RAB10: variants seen among roughly 807,000 people sequenced by gnomAD.
RAB10 encodes the protein ras-related protein Rab-10.
RAB10 carries 5 observed loss-of-function variants against 25.7 expected under a neutral mutation model. The ratio of observed to expected loss-of-function variants is 0.19; its 90% CI spans 0.10 to 0.41. The LOEUF is 0.41. RAB10 is among the 10% of genes least tolerant of loss of function. RAB10 has a pLI of 1.00. For synonymous variants in RAB10, 89 were observed against 86.4 expected (o/e 1.03, Z -0.16); for missense variants, 103 against 245.8 (o/e 0.42, Z 3.89).
intron 1 of RAB10, among the ~76,000 whole-genome samples, chr2:26,042,044 C>T (rs150639742): frequency 2.5e-4 from 38 of 152,298 alleles, no homozygotes; most frequent in African/African-American, 8.7e-4. Context: ...GAATGCGTTA[C>T]TTATTAGTGA....
intron 1 of RAB10, among the ~76,000 whole-genome samples, chr2:26,075,003 A>G (rs548854670): frequency 6.6e-6 from 1 of 152,322 alleles, no homozygotes; most frequent in South Asian, 2.1e-4. Flanking sequence ...AACTTGGGAA[A>G]GGTCGAAGTT....
chr2:26,059,381 CAA>C (rs1666349014), intron 1 of RAB10, among the ~76,000 whole-genome samples: 1 of 152,092 alleles, frequency 6.6e-6, no homozygotes, highest in South Asian at 2.1e-4. Flanking sequence ...ACAGATGTAT[CAA>C]ATAAACACAA....
chr2:26,049,120 G>A (rs563737252), intron 1 of RAB10, among the ~76,000 whole-genome samples: 1 of 149,138 alleles, frequency 6.7e-6, no homozygotes, highest in Non-Finnish European at 1.5e-5. Context: ...AAGTTTTATA[G>A]TTTTATATTT....
chr2:26,057,326 A>C (rs1244346800), intron 1 of RAB10, among the ~76,000 whole-genome samples: 1 of 151,962 alleles, frequency 6.6e-6, no homozygotes, highest in African/African-American at 2.4e-5. Context: ...CTACTGGGAG[A>C]CTGGAGGCAG....
chr2:26,086,025 G>A (rs913642139), intron 1 of RAB10, among the ~76,000 whole-genome samples: 1 of 136,168 alleles, frequency 7.3e-6, no homozygotes, highest in Non-Finnish European at 1.6e-5. Flanking sequence ...AAAGGGGGGG[G>A]GCAAAGGGGC....
chr2:26,129,268 C>CAAA lies in RAB10; in HGVS notation c.519+1344_519+1346dup, dbSNP rs58007291. Among the ~76,000 whole-genome samples, 641 of 133,420 alleles carry CAAA rather than the reference C, an allele frequency of 4.8e-3. 34 individuals carry two copies. Among genetic ancestry groups the CAAA allele is most frequent in the African/African-American group, 0.018 (607 of 34,626 alleles). The allele number at this position is 133,420 out of a possible 152,430, so 87.5% of individuals were successfully genotyped here. On this transcript the variant is annotated intron_variant, in intron 5 of 5. Coordinates refer to ENST00000264710, the MANE Select transcript of RAB10 (RefSeq NM_016131.5). ...TTGGGGACAGACCAAGACTCCATCT[C>CAAA]AAAAAAAAAAAAAAAAAAAAAAAAA...
intron 1 of RAB10, among the ~76,000 whole-genome samples, chr2:26,058,807 T>A (rs1017415559): frequency 6.6e-6 from 1 of 152,214 alleles, no homozygotes; most frequent in Admixed American, 6.5e-5. Context: ...GTCTTCCCTT[T>A]CTATCCTATA....
At chr2:26,098,419 G>A (rs1449442405) in intron 1 of RAB10, 4 of 426,388 alleles carry the variant, frequency 9.4e-6, no homozygotes, top group South Asian at 5.1e-5. Context: ...GATTAGAGGC[G>A]TGAGCCACCA....
chr2:26,076,986 A>G (rs192814929), intron 1 of RAB10, among the ~76,000 whole-genome samples: 9 of 152,062 alleles, frequency 5.9e-5, no homozygotes, highest in Admixed American at 2.0e-4. Flanking sequence ...ATAGCACTAT[A>G]AAGAGAGCTC....
intron 2 of RAB10, among the ~76,000 whole-genome samples, chr2:26,109,255 T>TGATG: frequency 6.6e-6 from 1 of 152,122 alleles, no homozygotes; most frequent in East Asian, 1.9e-4. Context: ...GTTTGTAAGC[T>TGATG]GATGAGATGA....
intron 1 of RAB10, among the ~76,000 whole-genome samples, chr2:26,066,684 C>T (rs995141412): frequency 2.0e-5 from 3 of 152,040 alleles, no homozygotes; most frequent in African/African-American, 7.2e-5. Flanking sequence ...TTTCAATTAC[C>T]TCCCACCGGG....
intron 1 of RAB10, among the ~76,000 whole-genome samples, chr2:26,060,150 T>C (rs1334556589): frequency 6.6e-6 from 1 of 152,174 alleles, no homozygotes. Flanking sequence ...TTCGTGTGAA[T>C]GCCATGAATT....
At chr2:26,043,965 T>A (rs563444074) in intron 1 of RAB10, among the ~76,000 whole-genome samples, 5 of 152,286 alleles carry the variant, frequency 3.3e-5, no homozygotes, top group South Asian at 2.1e-4. Context: ...GAAACAGAAA[T>A]AATGGTGATT....
intron 1 of RAB10, 154 bp from the exon 2 acceptor site, chr2:26,098,508 G>T (rs886796661): frequency 4.9e-6 from 3 of 606,786 alleles, no homozygotes; most frequent in Non-Finnish European, 2.9e-6. Flanking sequence ...GTTTAAAATT[G>T]GATACATTTG....
chr2:26,117,630 A>C (rs540897807), intron 3 of RAB10, among the ~76,000 whole-genome samples: 3 of 144,916 alleles, frequency 2.1e-5, no homozygotes, highest in South Asian at 4.3e-4. Context: ...AAAAAAAAAA[A>C]AAAAACAAAA....
intron 3 of RAB10, among the ~76,000 whole-genome samples, chr2:26,115,934 A>C (rs2149285881): frequency 6.8e-6 from 1 of 147,136 alleles, no homozygotes; most frequent in Non-Finnish European, 1.5e-5. Flanking sequence ...ATCTTGGCTC[A>C]CTGCAGTCTC....
At chr2:26,062,785 A>C (rs1242791958) in intron 1 of RAB10, among the ~76,000 whole-genome samples, 1 of 152,128 alleles carries the variant, frequency 6.6e-6, no homozygotes, top group East Asian at 1.9e-4. Context: ...AAGAATTGCC[A>C]CTTCTAGGGT....
At chr2:26,042,845 CAT>C (rs1437078536) in intron 1 of RAB10, 1 of 151,004 alleles carries the variant, frequency 6.6e-6, no homozygotes, top group South Asian at 2.1e-4. Context: ...GCCCAATAAA[CAT>C]ATGGAAAGAT....
chr2:26,102,449 T>A (rs1667362015), intron 2 of RAB10, among the ~76,000 whole-genome samples: 2 of 148,810 alleles, frequency 1.3e-5, no homozygotes, highest in African/African-American at 5.0e-5. Flanking sequence ...CTTTTTTTTT[T>A]TTTTTTTGAG....
Sources: allele counts gnomAD v4.1 joint callset (sites outside exome capture counted in the v4.1 genomes callset), GRCh38; gene constraint gnomAD v4.1.1; transcripts MANE v1.5; gene names NCBI Gene and HGNC (gene_info 2026-07-23, HGNC 2026-07-21).